Variants in HOPX observed in about 807,000 individuals in gnomAD.
The protein encoded by HOPX is HOP homeobox.
In HOPX, 5 loss-of-function variants were observed where a neutral mutation model predicts 11.8. That is an observed-to-expected ratio of 0.43 (90% CI 0.22 to 0.89). HOPX has a LOEUF of 0.89. HOPX is among the 40% of genes least tolerant of loss of function. The pLI is 0.28. For synonymous variants in HOPX, 49 were observed against 49.7 expected (o/e 0.99, Z 0.06); for missense variants, 119 against 120.0 (o/e 0.99, Z 0.04).
intron 1 of HOPX, among the ~76,000 whole-genome samples, chr4:56,660,324 A>T (rs1718039653): frequency 6.6e-6 from 1 of 152,218 alleles, no homozygotes; most frequent in Admixed American, 6.5e-5. Context: ...ACATAGCATC[A>T]TTGCTACCTT....
At chr4:56,672,306 A>G (rs554455723) in intron 1 of HOPX, among the ~76,000 whole-genome samples, 1 of 152,124 alleles carries the variant, frequency 6.6e-6, no homozygotes, top group East Asian at 1.9e-4. Context: ...TGGGAGGCTG[A>G]GGTGGGAGGA....
intron 1 of HOPX, among the ~76,000 whole-genome samples, chr4:56,659,891 G>T (rs1183087887): frequency 6.6e-6 from 1 of 152,222 alleles, no homozygotes; most frequent in Non-Finnish European, 1.5e-5. Flanking sequence ...ATATTAGAAT[G>T]ACTAATTTAA....
chr4:56,665,312 G>A (rs966720403), intron 1 of HOPX: 1 of 152,144 alleles, frequency 6.6e-6, no homozygotes, highest in African/African-American at 2.4e-5. Flanking sequence ...TAAATTATAT[G>A]CACTTCTATG....
intron 1 of HOPX, among the ~76,000 whole-genome samples, chr4:56,675,876 G>A (rs1718989905): frequency 6.6e-6 from 1 of 151,710 alleles, no homozygotes; most frequent in South Asian, 2.1e-4. Context: ...GGATCCCCAG[G>A]TGATGGTTTT....
intron 1 of HOPX, among the ~76,000 whole-genome samples, chr4:56,677,978 G>A (rs1719103419): frequency 6.6e-6 from 1 of 151,382 alleles, no homozygotes; most frequent in Non-Finnish European, 1.5e-5. Flanking sequence ...TATTAATCGG[G>A]AAAAAAAGGA....
intron 1 of HOPX, chr4:56,680,776 A>C (rs1719285343): frequency 6.5e-6 from 1 of 152,760 alleles, no homozygotes. Flanking sequence ...TGCAAATTCA[A>C]AATCAAGCCA....
rs997319385 is a variant in HOPX at position 56,677,019 on chromosome 4, C to T, written c.-84+4236G>A. On this transcript the variant is annotated intron_variant, in intron 1 of 3. Transcript: ENST00000420433. ...CCCCAAAGAATGAGGCTCCTGGCCACTAATACTAGGCAAGCTACTCTGCTG... is the reference window on the plus strand; with the variant it reads ...CCCCAAAGAATGAGGCTCCTGGCCATTAATACTAGGCAAGCTACTCTGCTG... Among the ~76,000 whole-genome samples the T allele has an allele frequency of 2.6e-5, 4 of 151,836 alleles. 1 individual carries two copies. Among genetic ancestry groups the T allele is most frequent in the African/African-American group, 7.3e-5 (3 of 41,042 alleles).
intron 3 of HOPX, among the ~76,000 whole-genome samples, chr4:56,655,211 C>T (rs1717566287): frequency 6.6e-6 from 1 of 152,160 alleles, no homozygotes; most frequent in East Asian, 1.9e-4. Flanking sequence ...ACCTTAGAGC[C>T]GGGGAATTTT....
At position 56,656,016 on chromosome 4, in the gene HOPX, C is replaced by T. The variant is rs1375297722; in HGVS notation, c.43-4G>A. On this transcript the variant is annotated splice_polypyrimidine_tract_variant and splice_region_variant and intron_variant, in intron 2 of 3. Coordinates refer to ENST00000420433, the MANE Select transcript of HOPX (RefSeq NM_032495.6). ...CCGCCGACATGGTCCCTGCGCGCTGCGGGGCAGGGAGAAGCGGCGGCGGTG... is the reference window on the plus strand; with the variant it reads ...CCGCCGACATGGTCCCTGCGCGCTGTGGGGCAGGGAGAAGCGGCGGCGGTG... 2.4e-5 allele frequency: 38 copies of T among 1,570,864 alleles called. No homozygotes were observed. Among genetic ancestry groups the T allele is most frequent in the Non-Finnish European group, 3.1e-5 (36 of 1,158,064 alleles).
chr4:56,678,526 A>G (rs1483028601), intron 1 of HOPX, among the ~76,000 whole-genome samples: 1 of 140,488 alleles, frequency 7.1e-6, no homozygotes, highest in Admixed American at 7.1e-5. Context: ...GCTCACTGCA[A>G]CCTCTGCCTC....
intron 1 of HOPX, among the ~76,000 whole-genome samples, chr4:56,670,489 A>T (rs1718677008): frequency 2.0e-5 from 3 of 152,264 alleles, no homozygotes; most frequent in Admixed American, 2.0e-4. Flanking sequence ...AAATGGCTCA[A>T]ATAAGTTTAA....
rs1717109945 is a variant in HOPX, at chr4:56,650,880, C to T, written c.199-2083G>A. On this transcript the variant is annotated intron_variant, in intron 3 of 3. Coordinates refer to ENST00000420433, the MANE Select transcript of HOPX (RefSeq NM_032495.6). ...TCGAAATTCTACTGCTAAGGGTGGGCCCATTTTCTTCTGTAACCTGTGTGC... is the reference window on the plus strand; with the variant it reads ...TCGAAATTCTACTGCTAAGGGTGGGTCCATTTTCTTCTGTAACCTGTGTGC... 8.3e-6 allele frequency: 12 copies of T among 1,439,896 alleles called. No individual in the cohort carries two copies. In the East Asian group the frequency reaches 2.2e-4, roughly 27 times the overall value. The allele number at this position is 1,439,896 out of a possible 1,614,324, so 89.2% of individuals were successfully genotyped here. A position where few individuals can be genotyped will look rare whatever the true frequency, so the allele number is the denominator to read the frequency against.
chr4:56,655,503 A>T (rs1214462264), intron 3 of HOPX, among the ~76,000 whole-genome samples: 1 of 152,230 alleles, frequency 6.6e-6, no homozygotes, highest in Non-Finnish European at 1.5e-5. Flanking sequence ...GGAAGGCGAG[A>T]CAGGGACAGG....
intron 2 of HOPX, chr4:56,656,240 A>G: frequency 1.7e-6 from 2 of 1,158,078 alleles, no homozygotes; most frequent in Non-Finnish European, 2.2e-6. Context: ...CTGACGGCAG[A>G]GCCTAGCGTC....
chr4:56,678,309 G>C (rs983330046), intron 1 of HOPX, among the ~76,000 whole-genome samples: 3 of 151,330 alleles, frequency 2.0e-5, no homozygotes, highest in Non-Finnish European at 2.9e-5. Flanking sequence ...TCAAGTGAAT[G>C]GTTTTGATTT....
rs935311960 is a variant in HOPX at position 56,650,484 on chromosome 4, A to G, written c.199-1687T>C. The G allele has an allele frequency of 7.2e-6, 4 of 559,054 alleles. No individual in the cohort carries two copies. The Admixed American group carries it at 1.3e-4, about 18-fold the overall frequency. 34.6% of individuals were successfully genotyped at this position (559,054 alleles called of 1,614,324 possible). On this transcript the variant is annotated intron_variant, in intron 3 of 3. Coordinates refer to ENST00000420433, the MANE Select transcript of HOPX (RefSeq NM_032495.6). ...GCCCAAGATCAGAAGAAAGTGTGAG[A>G]ATCACAGGGGGAGAAGGAGCAAGGC... is the stretch of plus-strand genomic sequence containing the variant.
intron 3 of HOPX, chr4:56,650,613 C>CA (rs1717068798): frequency 6.7e-7 from 1 of 1,501,430 alleles, no homozygotes; most frequent in African/African-American, 1.4e-5. Flanking sequence ...AACACACCTA[C>CA]ACCTCACCCA....
intron 1 of HOPX, chr4:56,662,475 TTC>T (rs35272745): frequency 0.13 from 18,766 of 144,144 alleles, 1,374 homozygotes; most frequent in African/African-American, 0.21. Context: ...CTTTCTTTCT[TTC>T]TTTCTTCTTT....
In HOPX at chr4:56,661,355, TGG is replaced by T. The variant is rs1718114351; in HGVS notation, c.-83-3458_-83-3457del. Among the ~76,000 whole-genome samples, 6 of 152,364 alleles carry T rather than the reference TGG, an allele frequency of 3.9e-5. No individual in the cohort carries two copies. In the South Asian group the frequency reaches 1.0e-3, roughly 26 times the overall value. ...TTATGTAGTAGATGTCTTTTCCTAC[TGG>T]TGGATATCTAGGTTGTTTCCAGATT... On this transcript the variant is annotated intron_variant, in intron 1 of 3. Transcript: ENST00000420433.
Sources: allele counts gnomAD v4.1 joint callset (sites outside exome capture counted in the v4.1 genomes callset), GRCh38; gene constraint gnomAD v4.1.1; transcripts MANE v1.5; gene names NCBI Gene and HGNC (gene_info 2026-07-23, HGNC 2026-07-21).